The following SPATA16 variants were observed in gnomAD, a reference collection of about 807,000 sequenced individuals.
SPATA16 encodes the protein spermatogenesis-associated protein 16.
Under a neutral mutation model 63.3 loss-of-function variants are expected in SPATA16, and 36 were observed. The ratio of observed to expected loss-of-function variants is 0.57; its 90% CI spans 0.44 to 0.75. The LOEUF is 0.75. Ranked by LOEUF, SPATA16 falls within the 30% of genes least tolerant of loss-of-function variation. The pLI is 0.00. For missense variants in SPATA16, 646 were observed against 679.3 expected (o/e 0.95, Z 0.54); for synonymous variants, 203 against 216.7 (o/e 0.94, Z 0.56).
chr3:173,083,064 A>G (rs894822338), intron 2 of SPATA16, among the ~76,000 whole-genome samples: 15 of 152,118 alleles, frequency 9.9e-5, no homozygotes, highest in Non-Finnish European at 4.4e-5. Context: ...CAACATTTAT[A>G]AAATTTATGT....
At chr3:172,928,820 C>T (rs897652000) in intron 6 of SPATA16, among the ~76,000 whole-genome samples, 3 of 152,056 alleles carry the variant, frequency 2.0e-5, no homozygotes, top group African/African-American at 4.8e-5. Flanking sequence ...CTCCTATATA[C>T]ATATGGTTAA....
intron 3 of SPATA16, among the ~76,000 whole-genome samples, chr3:173,024,623 T>G (rs914368263): frequency 6.6e-6 from 1 of 150,674 alleles, no homozygotes; most frequent in Admixed American, 6.6e-5. Flanking sequence ...GGATGAGAAA[T>G]GAACAAATAA....
chr3:172,982,961 C>T (rs755662662), intron 4 of SPATA16, among the ~76,000 whole-genome samples: 2 of 152,194 alleles, frequency 1.3e-5, no homozygotes, highest in Admixed American at 6.5e-5. Flanking sequence ...ACACAATCAG[C>T]TGTGTGGTCT....
intron 2 of SPATA16, among the ~76,000 whole-genome samples, chr3:173,063,984 T>C (rs1736452062): frequency 6.6e-6 from 1 of 152,008 alleles, no homozygotes; most frequent in African/African-American, 2.4e-5. Context: ...AGAAGATTTA[T>C]GGATAGAAAA....
intron 8 of SPATA16, among the ~76,000 whole-genome samples, chr3:172,917,657 A>C (rs1394260953): frequency 6.6e-6 from 1 of 152,214 alleles, no homozygotes; most frequent in Non-Finnish European, 1.5e-5. Flanking sequence ...GTTTGAGACA[A>C]ACCACCACCT....
intron 3 of SPATA16, among the ~76,000 whole-genome samples, chr3:173,047,344 A>G (rs1735981341): frequency 6.6e-6 from 1 of 151,962 alleles, no homozygotes; most frequent in South Asian, 2.1e-4. Flanking sequence ...CATCAAAATA[A>G]TCTGATATCC....
At chr3:173,030,199 T>C (rs186866516) in intron 3 of SPATA16, among the ~76,000 whole-genome samples, 3 of 151,934 alleles carry the variant, frequency 2.0e-5, no homozygotes, top group Admixed American at 6.6e-5. Flanking sequence ...TAAAAATAAC[T>C]CACAGGAAAT....
chr3:172,919,092 A>T (rs1732563548), intron 8 of SPATA16, among the ~76,000 whole-genome samples: 1 of 152,220 alleles, frequency 6.6e-6, no homozygotes, highest in Non-Finnish European at 1.5e-5. Flanking sequence ...AAATTAATGA[A>T]GTATTAAAAA....
At chr3:173,095,272 C>G (rs1317176066) in intron 2 of SPATA16, among the ~76,000 whole-genome samples, 2 of 152,048 alleles carry the variant, frequency 1.3e-5, no homozygotes, top group African/African-American at 4.8e-5. Flanking sequence ...CTTAAGTACA[C>G]AAACAAAGAA....
At chr3:172,889,808 G>A (rs1468793895) in intron 10 of SPATA16, 116 bp from the exon 11 acceptor site, 1 of 1,389,360 alleles carries the variant, frequency 7.2e-7, no homozygotes, top group Non-Finnish European at 9.8e-7. Context: ...TGTTGGAACA[G>A]AACTGGCAGA....
intron 4 of SPATA16, among the ~76,000 whole-genome samples, chr3:173,001,433 G>A (rs1362430964): frequency 2.0e-5 from 3 of 152,126 alleles, no homozygotes; most frequent in African/African-American, 7.2e-5. Flanking sequence ...ACAGAATGCT[G>A]TGGTGTATTT....
intron 6 of SPATA16, among the ~76,000 whole-genome samples, chr3:172,951,921 T>A (rs567127741): frequency 2.0e-5 from 3 of 152,360 alleles, no homozygotes; most frequent in Admixed American, 2.0e-4. Context: ...AAGGTACAGA[T>A]TGTACGACCT....
Position 172,916,476 on chromosome 3 carries a change from A to T in SPATA16, c.1344T>A (p.Ser448Arg), listed in dbSNP as rs756371319. The T allele has an allele frequency of 6.2e-7, 1 of 1,613,206 alleles. No homozygotes were observed. Among genetic ancestry groups the T allele is most frequent in the East Asian group, 2.2e-5 (1 of 44,882 alleles). The change falls in exon 9 of 11, where the codon AGT (serine) becomes AGA (arginine). Residue 448 changes from serine to arginine, a missense_variant. Physicochemically the swap from Ser to Arg is moderately radical, Grantham distance 110 (BLOSUM62 -1). Coordinates refer to ENST00000351008, the MANE Select transcript of SPATA16 (RefSeq NM_031955.6). The part of the protein sequence containing the change: ...DFIRSTQLNG[S>R]FPASSGVMEK... ...CCATCACACCTGAGGATGCAGGAAA[A>T]CTCCCCTAGTCTCAAAGTAAAAGAA...
At chr3:172,994,803 A>G (rs1169670278) in intron 4 of SPATA16, among the ~76,000 whole-genome samples, 1 of 152,198 alleles carries the variant, frequency 6.6e-6, no homozygotes, top group Admixed American at 6.6e-5. Flanking sequence ...CATTTGTAGC[A>G]TTAATTAAAA....
intron 2 of SPATA16, among the ~76,000 whole-genome samples, chr3:173,081,203 C>T (rs1050058886): frequency 6.6e-6 from 1 of 152,182 alleles, no homozygotes; most frequent in Non-Finnish European, 1.5e-5. Context: ...AGGCAAACAA[C>T]TTTAAAATAG....
At chr3:172,966,880 A>G (rs1420473375) in intron 5 of SPATA16, among the ~76,000 whole-genome samples, 1 of 152,224 alleles carries the variant, frequency 6.6e-6, no homozygotes, top group African/African-American at 2.4e-5. Context: ...TGCTAAAAAA[A>G]GTGACCTCAA....
At chr3:173,013,541 A>G (rs1338092510) in intron 4 of SPATA16, among the ~76,000 whole-genome samples, 1 of 152,262 alleles carries the variant, frequency 6.6e-6, no homozygotes, top group African/African-American at 2.4e-5. Context: ...GCTAGCTTGA[A>G]GCAAGCTTAC....
chr3:173,044,490 A>G (rs1735913407), intron 3 of SPATA16, among the ~76,000 whole-genome samples: 1 of 152,000 alleles, frequency 6.6e-6, no homozygotes, highest in African/African-American at 2.4e-5. Flanking sequence ...TCATCTCTTC[A>G]CTCATTACAA....
chr3:173,021,270 G>A (rs1735324710), intron 3 of SPATA16, among the ~76,000 whole-genome samples: 2 of 152,184 alleles, frequency 1.3e-5, no homozygotes, highest in Non-Finnish European at 2.9e-5. Flanking sequence ...TTAAAGAGCT[G>A]TCTAAAGTTT....
Sources: allele counts gnomAD v4.1 joint callset (sites outside exome capture counted in the v4.1 genomes callset), GRCh38; gene constraint gnomAD v4.1.1; transcripts MANE v1.5; gene names NCBI Gene and HGNC (gene_info 2026-07-23, HGNC 2026-07-21).